PPP1R9B: variants seen among roughly 807,000 people sequenced by gnomAD.
PPP1R9B encodes the protein protein phosphatase 1 regulatory subunit 9B, also known as neurabin-2.
Under a neutral mutation model 75.8 loss-of-function variants are expected in PPP1R9B, and 17 were observed. That is an observed-to-expected ratio of 0.22 (90% CI 0.15 to 0.34). The LOEUF (loss-of-function observed/expected upper bound fraction) is 0.34. Ranked by LOEUF, PPP1R9B falls within the 10% of genes least tolerant of loss-of-function variation. The probability of loss-of-function intolerance (pLI) is 1.00; values close to 1 mark genes in which losing one functional copy is unlikely to be tolerated. For synonymous variants in PPP1R9B, 509 were observed against 535.4 expected (o/e 0.95, Z 0.68); for missense variants, 875 against 1,196.0 (o/e 0.73, Z 3.96).
chr17:50,141,431 T>G (rs774141860), intron 3 of PPP1R9B, 58 bp from the exon 4 acceptor site: 49 of 1,169,516 alleles, frequency 4.2e-5, no homozygotes, highest in Non-Finnish European at 5.5e-5. Flanking sequence ...AGGGTAGAGG[T>G]AGCCTCCTCC....
At chr17:50,138,127 G>T (rs1252132238) in intron 7 of PPP1R9B, among the ~76,000 whole-genome samples, 1 of 151,724 alleles carries the variant, frequency 6.6e-6, no homozygotes, top group Non-Finnish European at 1.5e-5. Context: ...CACCTGACAT[G>T]CTTGTGTAAG....
chr17:50,141,289 C>A lies in PPP1R9B; in HGVS notation c.1710G>T (p.Arg570=), dbSNP rs778234729. The A allele has an allele frequency of 1.8e-5, 29 of 1,586,142 alleles. No homozygotes were observed. The highest frequency in any genetic ancestry group is 2.5e-5 in the Non-Finnish European group (29 of 1,167,286). The part of the protein sequence containing the change: ...VTQSFAASVL[R]NTKGRVRFMI... ...CTCACCGCACTCGGCCCTTGGTGTT[C>A]CGGAGCACAGACGCCGCGAAGCTCT... Residue 570 remains arginine, a synonymous_variant, in exon 4 of 10, where the codon CGG becomes CGT. Transcript: ENST00000612501.
chr17:50,143,498 A>T, intron 3 of PPP1R9B, 100 bp downstream of exon 3: 1 of 1,450,030 alleles, frequency 6.9e-7, no homozygotes, highest in Non-Finnish European at 9.4e-7. Context: ...GAAATCTCCC[A>T]GGGAAGGCCC....
rs1461439511 is a variant in PPP1R9B, at chr17:50,149,233, G to A, written c.1281C>T (p.Pro427=). The A allele has an allele frequency of 5.0e-6, 8 of 1,610,682 alleles. No homozygotes were observed. The highest frequency in any genetic ancestry group is 6.8e-6 in the Non-Finnish European group (8 of 1,178,714). Residue 427 remains proline, a synonymous_variant, in exon 1 of 10, where the codon CCC becomes CCT. Transcript: ENST00000612501. This position sits in a 1 kb window ranked among gnomAD's most constrained non-coding sequence, Gnocchi z 7.2. ...CCGGGATCTCCACGCACCCCGACTCGGGCTCGTAGGGGGGCTCCCCATCCT... is the reference window on the plus strand; with the variant it reads ...CCGGGATCTCCACGCACCCCGACTCAGGCTCGTAGGGGGGCTCCCCATCCT... ...DEEDGEPPYE[P]ESGCVEIPGL...
At chr17:50,137,049 C>G (rs1292519895) in intron 7 of PPP1R9B, among the ~76,000 whole-genome samples, 1 of 152,178 alleles carries the variant, frequency 6.6e-6, no homozygotes, top group African/African-American at 2.4e-5. Context: ...ACAGGCCTTC[C>G]TGCAGATCCT....
intron 2 of PPP1R9B, among the ~76,000 whole-genome samples, chr17:50,144,366 C>T (rs1054709233): frequency 6.6e-6 from 1 of 152,154 alleles, no homozygotes; most frequent in African/African-American, 2.4e-5. Flanking sequence ...TCTTTCCAGT[C>T]CACCCACACC....
chr17:50,135,556 G>A lies in PPP1R9B; in HGVS notation c.2397C>T (p.Asp799=), dbSNP rs1452080504. The A allele has an allele frequency of 6.2e-7, 1 of 1,610,164 alleles. No individual in the cohort carries two copies. The highest frequency in any genetic ancestry group is 1.3e-5 in the African/African-American group (1 of 74,912). ...CCACAGGGCGCCCCAGGCCCACCTTGTCCAGGAGCTTGTCCATCTCCTCCT... is the reference window on the plus strand; with the variant it reads ...CCACAGGGCGCCCCAGGCCCACCTTATCCAGGAGCTTGTCCATCTCCTCCT... The part of the protein sequence containing the change: ...ARKEEMDKLL[D]KISELEGNLQ... Residue 799 remains aspartate, a synonymous_variant, in exon 9 of 10, where the codon GAC becomes GAT. Transcript: ENST00000612501.
Position 50,139,630 on chromosome 17 carries a change from C to G in PPP1R9B, c.1867-49G>C. On this transcript the variant is annotated intron_variant, in intron 5 of 9. Transcript: ENST00000612501. The surrounding 1 kb of genome is among the most constrained non-coding windows in gnomAD (Gnocchi z 5.0). The stretch of plus-strand genomic sequence containing the variant: ...TGGGCCCACCCCACCCAGCTGCCCT[C>G]AGCCCTGATGACCAGGGCTGGGACC... 1 of 1,514,092 alleles carries G rather than the reference C, an allele frequency of 6.6e-7. No individual in the cohort carries two copies. The highest frequency in any genetic ancestry group is 8.8e-7 in the Non-Finnish European group (1 of 1,132,212). 93.8% of individuals were successfully genotyped at this position (1,514,092 alleles called of 1,614,324 possible). A position where few individuals can be genotyped will look rare whatever the true frequency, so the allele number is the denominator to read the frequency against.
intron 7 of PPP1R9B, among the ~76,000 whole-genome samples, chr17:50,138,409 G>C (rs1217122377): frequency 6.6e-6 from 1 of 152,104 alleles, no homozygotes; most frequent in Non-Finnish European, 1.5e-5. Flanking sequence ...CTCTGTGACT[G>C]TGTCTGTGTA....
Position 50,139,608 on chromosome 17 carries a change from G to A in PPP1R9B, c.1867-27C>T. ...TGCGAAGGGAGACCGGAGACTGTGG[G>A]CCCACCCCACCCAGCTGCCCTCAGC... On this transcript the variant is annotated intron_variant, in intron 5 of 9. Transcript: ENST00000612501. This position sits in a 1 kb window ranked among gnomAD's most constrained non-coding sequence, Gnocchi z 5.0. 2 of 1,523,226 alleles carry A rather than the reference G, an allele frequency of 1.3e-6. No individual in the cohort carries two copies. The highest frequency in any genetic ancestry group is 2.3e-5 in the East Asian group (1 of 44,092). The allele number at this position is 1,523,226 out of a possible 1,614,324, so 94.4% of individuals were successfully genotyped here.
chr17:50,140,468 T>C, intron 4 of PPP1R9B: 1 of 576,564 alleles, frequency 1.7e-6, no homozygotes, highest in Non-Finnish European at 3.1e-6. Flanking sequence ...GGAGGGAGAA[T>C]GTCAGCCCAC....
Position 50,150,239 on chromosome 17 carries a change from C to T in PPP1R9B, c.275G>A (p.Arg92His). The change falls in exon 1 of 10, where the codon CGC becomes CAC. Residue 92 changes from arginine (R) to histidine (H), a missense_variant. By Grantham distance (29) the Arg-to-His change is conservative (BLOSUM62 0). This residue lies in a region of PPP1R9B where 145 missense variants were observed against 226.1 expected (regional missense o/e 0.64). Coordinates refer to ENST00000612501, the MANE Select transcript of PPP1R9B (RefSeq NM_032595.5). The surrounding 1 kb of genome is among the most constrained non-coding windows in gnomAD (Gnocchi z 8.7). ...EAPRASERGVRLSLPRASSLN... is the reference protein window; with the variant it reads ...EAPRASERGVHLSLPRASSLN... ...GCTGCTGGCCCGCGGCAGCGACAGG[C>T]GCACGCCGCGCTCGGACGCCCGTGG... 2.1e-6 allele frequency: 3 copies of T among 1,439,086 alleles called. No homozygotes were observed. The highest frequency in any genetic ancestry group is 2.8e-6 in the Non-Finnish European group (3 of 1,089,516). 89.1% of individuals were successfully genotyped at this position (1,439,086 alleles called of 1,614,324 possible). A position where few individuals can be genotyped will look rare whatever the true frequency, so the allele number is the denominator to read the frequency against.
rs1912658314 is a variant in PPP1R9B, at chr17:50,150,217, G to T, written c.297C>A (p.Ser99Arg). Reference protein sequence around the residue: ...RGVRLSLPRASSLNENVDHSA... With the variant: ...RGVRLSLPRARSLNENVDHSA... ...TGTGGTCCACGTTCTCGTTCAGGCT[G>T]CTGGCCCGCGGCAGCGACAGGCGCA... Residue 99 changes from serine (S) to arginine (R), a missense_variant, in exon 1 of 10, where the codon AGC (serine) becomes AGA (arginine). Ser to Arg is a moderately radical substitution (Grantham distance 110). Around this residue, in one of 4 missense-constraint regions of PPP1R9B, gnomAD observed 145 missense variants for 226.1 expected, o/e 0.64. Coordinates refer to ENST00000612501, the MANE Select transcript of PPP1R9B (RefSeq NM_032595.5). The surrounding 1 kb of genome is among the most constrained non-coding windows in gnomAD (Gnocchi z 8.7). 2 of 1,447,482 alleles carry T rather than the reference G, an allele frequency of 1.4e-6. No homozygotes were observed. Among genetic ancestry groups the T allele is most frequent in the Non-Finnish European group, 9.1e-7 (1 of 1,096,122 alleles). The allele number at this position is 1,447,482 out of a possible 1,614,324, so 89.7% of individuals were successfully genotyped here. A position where few individuals can be genotyped will look rare whatever the true frequency, so the allele number is the denominator to read the frequency against.
Position 50,150,241 on chromosome 17 carries a change from C to A in PPP1R9B, c.273G>T (p.Val91=), listed in dbSNP as rs1912659753. ...AEAPRASERG[V]RLSLPRASSL... ...TGCTGGCCCGCGGCAGCGACAGGCG[C>A]ACGCCGCGCTCGGACGCCCGTGGGG... The change falls in exon 1 of 10, where the codon GTG becomes GTT. Residue 91 remains valine (V), a synonymous_variant. Transcript: ENST00000612501. This position sits in a 1 kb window ranked among gnomAD's most constrained non-coding sequence, Gnocchi z 8.7. 2 of 1,439,968 alleles carry A rather than the reference C, an allele frequency of 1.4e-6. No individual in the cohort carries two copies. The highest frequency in any genetic ancestry group is 2.8e-5 in the South Asian group (2 of 72,402). 89.2% of individuals were successfully genotyped at this position (1,439,968 alleles called of 1,614,324 possible).
chr17:50,139,123 C>A lies in PPP1R9B; in HGVS notation c.2073+140G>T. The A allele has an allele frequency of 1.1e-6, 1 of 901,984 alleles. No homozygotes were observed. Among genetic ancestry groups the A allele is most frequent in the Non-Finnish European group, 1.8e-6 (1 of 548,988 alleles). 55.9% of individuals were successfully genotyped at this position (901,984 alleles called of 1,614,324 possible). ...CTTAAGCTCTTAATATCGTATCTAT[C>A]ATATCATCTTGCTTTAGAGCAGCTT... On this transcript the variant is annotated intron_variant, in intron 7 of 9. Transcript: ENST00000612501. The surrounding 1 kb of genome is among the most constrained non-coding windows in gnomAD (Gnocchi z 5.0).
At chr17:50,136,318 C>G in intron 7 of PPP1R9B, 121 bp from the exon 8 acceptor site, 1 of 751,394 alleles carries the variant, frequency 1.3e-6, no homozygotes, top group Non-Finnish European at 2.1e-6. Flanking sequence ...TCCATTGCAC[C>G]CCAACTACTA....
chr17:50,143,692 T>C lies in PPP1R9B; in HGVS notation c.1531A>G (p.Ile511Val), dbSNP rs774157592. 6.2e-7 allele frequency: 1 copy of C among 1,613,970 alleles called. No individual in the cohort carries two copies. Residue 511 changes from isoleucine to valine, a missense_variant, in exon 3 of 10, where the codon ATC (isoleucine) becomes GTC (valine). Coordinates refer to ENST00000612501, the MANE Select transcript of PPP1R9B (RefSeq NM_032595.5). ...ATGTCTGCCCCGGCGCCCATGCCGA[T>C]GATGCTGATGCCCAGGCCCTCGGAG... The part of the protein sequence containing the change: ...KDSEGLGISI[I>V]GMGAGADMGL...
intron 7 of PPP1R9B, among the ~76,000 whole-genome samples, chr17:50,136,875 TC>T (rs1433320185): frequency 2.0e-5 from 3 of 152,146 alleles, no homozygotes; most frequent in African/African-American, 7.2e-5. Flanking sequence ...TCCCAGCTCC[TC>T]CCAGGTACCA....
intron 4 of PPP1R9B, 112 bp downstream of exon 4, chr17:50,141,157 A>C: frequency 1.4e-6 from 1 of 698,942 alleles, no homozygotes; most frequent in Non-Finnish European, 2.4e-6. Context: ...AGTCAGCAGA[A>C]CCTCTGTGAG....
Sources: gnomAD v4.1 joint callset for allele counts (sites outside exome capture counted in the v4.1 genomes callset) on GRCh38, gnomAD v4.1.1 for gene constraint, gnomAD v4.1.1 regional missense constraint, Gnocchi (gnomAD v3.1) non-coding constraint, MANE v1.5 for transcripts, NCBI Gene and HGNC (gene_info 2026-07-23, HGNC 2026-07-21) for gene names.